Variants in MAD1L1 observed in about 807,000 individuals in gnomAD.
MAD1L1 encodes mitotic spindle assembly checkpoint protein MAD1.
MAD1L1 carries 95 observed loss-of-function variants against 96.9 expected under a neutral mutation model. That is an observed-to-expected ratio of 0.98 (90% confidence interval 0.83 to 1.16). The LOEUF (loss-of-function observed/expected upper bound fraction) is 1.16. Ranked by LOEUF, MAD1L1 falls within the 50% of genes most tolerant of loss-of-function variation. MAD1L1 has a pLI of 0.00. For synonymous variants in MAD1L1, 473 were observed against 396.6 expected (o/e 1.19, Z -2.29); for missense variants, 1,007 against 954.4 (o/e 1.06, Z -0.73).
rs150608571 is a variant in MAD1L1 at position 1,902,850 on chromosome 7, C to T, written c.1808-4460G>A. On this transcript the variant is annotated intron_variant, in intron 17 of 18. Coordinates refer to ENST00000265854, the MANE Select transcript of MAD1L1 (RefSeq NM_001013836.2). ...CAAGGATGCAGTGGCCTATGGAAGA[C>T]GCTCTTGCGGAACTCATGATTGATG... Among the ~76,000 whole-genome samples the T allele has an allele frequency of 0.01, 1,519 of 149,800 alleles. 31 individuals carry two copies. The East Asian group carries it at 0.1, about 10-fold the overall frequency.
chr7:2,093,362 C>G (rs1469791243), intron 11 of MAD1L1, among the ~76,000 whole-genome samples: 2 of 151,898 alleles, frequency 1.3e-5, no homozygotes, highest in Non-Finnish European at 2.9e-5. Flanking sequence ...CAAGATGACT[C>G]AGTAAATAGT....
chr7:2,232,179 C>G (rs527864903), intron 1 of MAD1L1, among the ~76,000 whole-genome samples: 2 of 152,320 alleles, frequency 1.3e-5, no homozygotes, highest in South Asian at 4.1e-4. Flanking sequence ...CAGCCAAGCG[C>G]GTTTAAAAGC....
intron 10 of MAD1L1, among the ~76,000 whole-genome samples, chr7:2,180,113 C>T (rs2128600424): frequency 6.6e-6 from 1 of 152,310 alleles, no homozygotes; most frequent in South Asian, 2.1e-4. Flanking sequence ...CAGTGGCAAA[C>T]AAAAGACTCA....
At chr7:2,018,093 CG>C (rs1409439093) in intron 12 of MAD1L1, among the ~76,000 whole-genome samples, 9 of 152,142 alleles carry the variant, frequency 5.9e-5, no homozygotes, top group African/African-American at 2.2e-4. Flanking sequence ...GGGCAGAGAC[CG>C]GCCCCGTGGC....
rs1296025560 is a variant in MAD1L1 at position 2,142,254 on chromosome 7, G to A, written c.1073+6898C>T. On this transcript the variant is annotated intron_variant, in intron 11 of 18. Coordinates refer to ENST00000265854, the MANE Select transcript of MAD1L1 (RefSeq NM_001013836.2). This position sits in a 1 kb window ranked among gnomAD's most constrained non-coding sequence, Gnocchi z 4.7. ...CAAAGAACAAGGCAGGCACGTGCCA[G>A]CATCCGCACTGGAACCACCACAGGA... Among the ~76,000 whole-genome samples, 2 of 152,236 alleles carry A rather than the reference G, an allele frequency of 1.3e-5. No homozygotes were observed. The highest frequency in any genetic ancestry group is 2.1e-4 in the South Asian group (1 of 4,834).
At chr7:2,048,634 G>A (rs1784037974) in intron 12 of MAD1L1, among the ~76,000 whole-genome samples, 1 of 152,224 alleles carries the variant, frequency 6.6e-6, no homozygotes, top group Admixed American at 6.5e-5. Context: ...CTGTCCCATA[G>A]GATGTTGAGT....
At chr7:2,104,602 G>C (rs993797789) in intron 11 of MAD1L1, among the ~76,000 whole-genome samples, 2 of 152,120 alleles carry the variant, frequency 1.3e-5, no homozygotes, top group Admixed American at 6.5e-5. Context: ...CCAGCTCTTC[G>C]GTTTAAATGA....
chr7:1,989,638 TCAGCGTGGACCAGCCC>T (rs955850112), intron 14 of MAD1L1, among the ~76,000 whole-genome samples: 134 of 152,146 alleles, frequency 8.8e-4, no homozygotes, highest in East Asian at 6.9e-3. Context: ...CGCTCCAGCC[TCAGCGTGGACCAGCCC>T]CAGCGTGGAC....
chr7:2,198,378 T>C (rs1042116114), intron 10 of MAD1L1, among the ~76,000 whole-genome samples: 22 of 152,236 alleles, frequency 1.4e-4, no homozygotes, highest in African/African-American at 5.3e-4. Flanking sequence ...ACTCACGCTC[T>C]CCACAGGCTG....
chr7:1,984,575 T>C (rs745324957), intron 14 of MAD1L1, among the ~76,000 whole-genome samples: 5 of 152,258 alleles, frequency 3.3e-5, no homozygotes, highest in Non-Finnish European at 7.3e-5. Flanking sequence ...GTTATTTGGC[T>C]AACCCATCTG....
intron 15 of MAD1L1, among the ~76,000 whole-genome samples, chr7:1,969,304 C>G (rs191312387): frequency 8.8e-4 from 134 of 152,238 alleles, no homozygotes; most frequent in African/African-American, 3.0e-3. Flanking sequence ...TTCACTTGAA[C>G]CCGGGAGGCA....
chr7:2,138,440 C>A (rs1287788296), intron 11 of MAD1L1, among the ~76,000 whole-genome samples: 1 of 152,152 alleles, frequency 6.6e-6, no homozygotes, highest in Non-Finnish European at 1.5e-5. Context: ...GACCAAGTGG[C>A]CTAGAGAGAT....
chr7:1,895,549 C>T (rs1387557805), intron 18 of MAD1L1, among the ~76,000 whole-genome samples: 12 of 152,282 alleles, frequency 7.9e-5, no homozygotes, highest in Admixed American at 7.2e-4. Context: ...AGCATGAAAA[C>T]ACAGTGCATG....
At chr7:2,166,925 C>T (rs919607868) in intron 10 of MAD1L1, among the ~76,000 whole-genome samples, 47 of 152,230 alleles carry the variant, frequency 3.1e-4, no homozygotes, top group African/African-American at 1.1e-3. Context: ...GCTCACAAAG[C>T]ACTCTTCCAG....
rs1444011115 is a variant in MAD1L1, at chr7:2,103,937, A to T, written c.1074-34599T>A. ...CCACCCCGCTGGACGTCGGAGAAAGAGGCCCCCAGACACATGGCAGAGAAT... is the reference window on the plus strand; with the variant it reads ...CCACCCCGCTGGACGTCGGAGAAAGTGGCCCCCAGACACATGGCAGAGAAT... On this transcript the variant is annotated intron_variant, in intron 11 of 18. Transcript: ENST00000265854. This position sits in a 1 kb window ranked among gnomAD's most constrained non-coding sequence, Gnocchi z 4.3. 6.6e-6 allele frequency among the ~76,000 whole-genome samples: 1 copy of T among 152,212 alleles called. No homozygotes were observed. Among genetic ancestry groups the T allele is most frequent in the Non-Finnish European group, 1.5e-5 (1 of 68,034 alleles).
intron 16 of MAD1L1, among the ~76,000 whole-genome samples, chr7:1,948,397 G>C (rs1292182061): frequency 6.6e-6 from 1 of 152,036 alleles, no homozygotes; most frequent in Admixed American, 6.5e-5. Context: ...GGGTTCACCA[G>C]GGCCTGAGGG....
chr7:2,188,654 G>A (rs939413445), intron 10 of MAD1L1, among the ~76,000 whole-genome samples: 1 of 152,084 alleles, frequency 6.6e-6, no homozygotes, highest in Non-Finnish European at 1.5e-5. Flanking sequence ...ATGAAGTTGG[G>A]CCCTTAAACC....
intron 17 of MAD1L1, among the ~76,000 whole-genome samples, chr7:1,906,327 T>C (rs1289847084): frequency 6.6e-6 from 1 of 152,178 alleles, no homozygotes; most frequent in Non-Finnish European, 1.5e-5. Context: ...CAGATCTCCA[T>C]GCTCCCACAG....
At chr7:1,909,932 C>T (rs908839667) in intron 17 of MAD1L1, among the ~76,000 whole-genome samples, 1 of 152,230 alleles carries the variant, frequency 6.6e-6, no homozygotes, top group East Asian at 1.9e-4. Context: ...GGCCCACCAC[C>T]TGGCAGGCGC....
Sources: allele counts gnomAD v4.1 joint callset (sites outside exome capture counted in the v4.1 genomes callset), GRCh38; gene constraint gnomAD v4.1.1; non-coding constraint Gnocchi (gnomAD v3.1); transcripts MANE v1.5; gene names NCBI Gene and HGNC (gene_info 2026-07-23, HGNC 2026-07-21).